SMYD3: variants seen among roughly 807,000 people sequenced by gnomAD.
The protein encoded by SMYD3 is SET and MYND domain containing 3.
SMYD3 carries 36 observed loss-of-function variants against 57.7 expected under a neutral mutation model. The ratio of observed to expected loss-of-function variants is 0.62; its 90% CI spans 0.48 to 0.82. The LOEUF (loss-of-function observed/expected upper bound fraction) is 0.82, where lower values mean the gene tolerates loss of function less well. SMYD3 is among the 40% of genes least tolerant of loss of function. The pLI is 0.00. For missense variants in SMYD3, 515 were observed against 538.8 expected (o/e 0.96, Z 0.44); for synonymous variants, 211 against 195.0 (o/e 1.08, Z -0.68).
intron 5 of SMYD3, among the ~76,000 whole-genome samples, chr1:246,286,338 C>CT (rs150548291): frequency 3.3e-5 from 5 of 151,462 alleles, no homozygotes; most frequent in African/African-American, 7.3e-5. Flanking sequence ...AAACACAGCA[C>CT]TTTTTTTTTA....
intron 5 of SMYD3, among the ~76,000 whole-genome samples, chr1:246,088,840 GT>G (rs34418496): frequency 0.44 from 66,159 of 151,862 alleles, 17,951 homozygotes; most frequent in Non-Finnish European, 0.61. Flanking sequence ...GATGGCAAAT[GT>G]TTTTATCTTT....
chr1:246,193,619 T>A (rs768566238), intron 5 of SMYD3: 10 of 152,280 alleles, frequency 6.6e-5, no homozygotes, highest in South Asian at 4.2e-4. Flanking sequence ...ATAAATCAGA[T>A]CCAAATTAGC....
chr1:246,409,989 G>T (rs2066936357), intron 1 of SMYD3, among the ~76,000 whole-genome samples: 1 of 151,942 alleles, frequency 6.6e-6, no homozygotes, highest in Non-Finnish European at 1.5e-5. Flanking sequence ...TCTGTTATTG[G>T]TATATATGCT....
chr1:246,345,061 C>A (rs920255938), intron 2 of SMYD3, among the ~76,000 whole-genome samples: 1 of 152,086 alleles, frequency 6.6e-6, no homozygotes, highest in Non-Finnish European at 1.5e-5. Context: ...TTCCAAGGAG[C>A]TGAAGGGTTT....
intron 1 of SMYD3, among the ~76,000 whole-genome samples, chr1:246,372,437 C>T (rs1463812842): frequency 6.6e-6 from 1 of 152,190 alleles, no homozygotes; most frequent in Non-Finnish European, 1.5e-5. Flanking sequence ...GTATAGACAT[C>T]CCTCTAAAAG....
At chr1:245,774,363 C>G (rs75413742) in intron 10 of SMYD3, among the ~76,000 whole-genome samples, 10,611 of 152,192 alleles carry the variant, frequency 0.07, 535 homozygotes, top group Non-Finnish European at 0.11. Context: ...GCAAGAGTCC[C>G]AGAGAGCTGA....
intron 5 of SMYD3, among the ~76,000 whole-genome samples, chr1:246,205,276 A>G (rs12405937): frequency 1.3e-5 from 2 of 152,114 alleles, no homozygotes; most frequent in African/African-American, 4.8e-5. Context: ...TCTTTCTAAC[A>G]AAGTTATTTT....
chr1:245,848,345 C>G (rs1014751782), intron 10 of SMYD3, among the ~76,000 whole-genome samples: 2 of 152,038 alleles, frequency 1.3e-5, no homozygotes, highest in African/African-American at 4.8e-5. Context: ...TGGTCCCAAT[C>G]CTGGGCTCAA....
chr1:246,095,920 C>T (rs1171181542), intron 5 of SMYD3, among the ~76,000 whole-genome samples: 2 of 152,110 alleles, frequency 1.3e-5, no homozygotes, highest in African/African-American at 2.4e-5. Context: ...GCCTGAACAT[C>T]AACTTCAACT....
chr1:245,791,366 C>T (rs541618916), intron 10 of SMYD3, among the ~76,000 whole-genome samples: 3 of 152,258 alleles, frequency 2.0e-5, no homozygotes, highest in South Asian at 2.1e-4. Flanking sequence ...ATTAATGCAA[C>T]GGATCAGTTT....
intron 8 of SMYD3, among the ~76,000 whole-genome samples, chr1:245,884,637 G>A (rs2148560600): frequency 6.6e-6 from 1 of 152,284 alleles, no homozygotes; most frequent in Admixed American, 6.5e-5. Flanking sequence ...CAAAAGGGAA[G>A]ATGGTGCCAC....
At chr1:246,446,944 G>A (rs896210214) in intron 1 of SMYD3, among the ~76,000 whole-genome samples, 4 of 151,250 alleles carry the variant, frequency 2.6e-5, no homozygotes, top group African/African-American at 7.3e-5. Context: ...CAGGAGAATC[G>A]CTTGAACCCG....
At chr1:246,051,890 T>C (rs982821518) in intron 5 of SMYD3, among the ~76,000 whole-genome samples, 10 of 151,998 alleles carry the variant, frequency 6.6e-5, no homozygotes, top group African/African-American at 2.4e-4. Flanking sequence ...CAAAATTAAA[T>C]GACCAACTAA....
intron 1 of SMYD3, among the ~76,000 whole-genome samples, chr1:246,489,920 C>T (rs1023392521): frequency 1.4e-4 from 21 of 152,038 alleles, no homozygotes; most frequent in African/African-American, 5.1e-4. Flanking sequence ...CTCAACCCCC[C>T]AGGCTCAAGT....
chr1:245,895,890 G>C (rs2053748136), intron 8 of SMYD3, among the ~76,000 whole-genome samples: 1 of 152,110 alleles, frequency 6.6e-6, no homozygotes, highest in Non-Finnish European at 1.5e-5. Context: ...TGCAGAAAAA[G>C]AGTTTTTCTA....
Position 246,462,234 on chromosome 1 carries a change from CGCGGGGCCTGCTGGGT to C in SMYD3, c.164+44804_164+44819del, listed in dbSNP as rs760926317. 6.3e-3 allele frequency among the ~76,000 whole-genome samples: 394 copies of C among 62,470 alleles called. 1 individual carries two copies. The highest frequency in any genetic ancestry group is 0.011 in the Admixed American group (48 of 4,454). 41.0% of individuals were successfully genotyped at this position (62,470 alleles called of 152,430 possible). A position where few individuals can be genotyped will look rare whatever the true frequency, so the allele number is the denominator to read the frequency against. On this transcript the variant is annotated intron_variant, in intron 1 of 11. Coordinates refer to ENST00000490107, the MANE Select transcript of SMYD3 (RefSeq NM_001167740.2). ...GCCTGCTGGGTACAGTGCATCCTCCCGCGGGGCCTGCTGGGTACAGTGCATCCTCCCGCGGGGCCTG... is the reference window on the plus strand; with the variant it reads ...GCCTGCTGGGTACAGTGCATCCTCCCACAGTGCATCCTCCCGCGGGGCCTG...
At chr1:245,973,922 T>C (rs1041597834) in intron 5 of SMYD3, among the ~76,000 whole-genome samples, 11 of 152,312 alleles carry the variant, frequency 7.2e-5, no homozygotes, top group African/African-American at 2.4e-4. Context: ...TAAATTCAAT[T>C]TCAGAGTATT....
At chr1:245,817,559 T>C (rs541150680) in intron 10 of SMYD3, among the ~76,000 whole-genome samples, 3 of 151,868 alleles carry the variant, frequency 2.0e-5, no homozygotes, top group Admixed American at 6.6e-5. Context: ...ATGACTTTGA[T>C]GACCTGAGAG....
intron 5 of SMYD3, among the ~76,000 whole-genome samples, chr1:246,064,163 G>A (rs571407300): frequency 6.6e-6 from 1 of 152,100 alleles, no homozygotes; most frequent in African/African-American, 2.4e-5. Context: ...TCTCTTGCTC[G>A]CATCACTGCC....
Sources: gnomAD v4.1 joint callset for allele counts (sites outside exome capture counted in the v4.1 genomes callset) on GRCh38, gnomAD v4.1.1 for gene constraint, MANE v1.5 for transcripts, NCBI Gene and HGNC (gene_info 2026-07-23, HGNC 2026-07-21) for gene names.